PPL: variants seen among roughly 807,000 people sequenced by gnomAD.
PPL encodes 190 kDa paraneoplastic pemphigus antigen.
A neutral mutation model predicts 194.4 loss-of-function variants in PPL; 198 were observed. The observed-to-expected ratio is 1.02, with a 90% CI of 0.91 to 1.15. PPL has a LOEUF of 1.15. PPL is among the 50% of genes most tolerant of loss of function. PPL has a pLI of 0.00. For missense variants in PPL, 2,885 were observed against 2,294.8 expected (o/e 1.26, Z -5.25); for synonymous variants, 1,220 against 972.4 (o/e 1.25, Z -4.74).
chr16:4,894,093 G>A (rs549924602), intron 12 of PPL, among the ~76,000 whole-genome samples: 9 of 152,272 alleles, frequency 5.9e-5, no homozygotes, highest in South Asian at 2.1e-4. Flanking sequence ...AATAAAAAGC[G>A]GTGCGTGCAG....
At chr16:4,894,357 G>A in intron 12 of PPL, 110 bp downstream of exon 12, 1 of 1,383,610 alleles carries the variant, frequency 7.2e-7, no homozygotes, top group Non-Finnish European at 9.8e-7. Flanking sequence ...GAGTGTCAGC[G>A]ACCCCGCGCT....
rs543507742 is a variant in PPL, at chr16:4,932,957, C to T, written c.62+4027G>A. Among the ~76,000 whole-genome samples the T allele has an allele frequency of 7.9e-5, 12 of 151,836 alleles. 1 individual carries two copies. In the South Asian group the frequency reaches 8.3e-4, roughly 11 times the overall value. On this transcript the variant is annotated intron_variant, in intron 1 of 21. Transcript: ENST00000345988. Reference sequence around the variant, plus strand: ...AAACAGCTTAAGAGACCCAGAGCTGCGGCCTGAACTCATGCCCAGCTAGCA... The same window carrying T: ...AAACAGCTTAAGAGACCCAGAGCTGTGGCCTGAACTCATGCCCAGCTAGCA...
At chr16:4,927,002 A>G (rs1397377420) in intron 1 of PPL, among the ~76,000 whole-genome samples, 3 of 152,306 alleles carry the variant, frequency 2.0e-5, no homozygotes, top group African/African-American at 7.2e-5. Flanking sequence ...AATATACTCA[A>G]TCCAGTAAAA....
At chr16:4,904,700 G>A (rs1388919126) in intron 2 of PPL, among the ~76,000 whole-genome samples, 2 of 152,130 alleles carry the variant, frequency 1.3e-5, no homozygotes, top group African/African-American at 2.4e-5. Flanking sequence ...CGGGGAGGGT[G>A]AGCAGCTAGA....
intron 1 of PPL, among the ~76,000 whole-genome samples, chr16:4,926,796 G>A (rs62038589): frequency 0.13 from 18,118 of 143,808 alleles, 1,239 homozygotes; most frequent in African/African-American, 0.18. Context: ...GGAGAATGGC[G>A]TGAACCTGGG....
At position 4,883,803 on chromosome 16, in the gene PPL, C is replaced by T. The variant is rs771688652; in HGVS notation, c.4852G>A (p.Glu1618Lys). The T allele has an allele frequency of 1.2e-6, 2 of 1,614,022 alleles. No individual in the cohort carries two copies. The highest frequency in any genetic ancestry group is 1.1e-5 in the South Asian group (1 of 91,086). The change falls in exon 22 of 22, where the codon GAA (glutamate) becomes AAA (lysine). Residue 1618 changes from glutamate (E) to lysine (K), a missense_variant. Transcript: ENST00000345988. This position sits in a 1 kb window ranked among gnomAD's most constrained non-coding sequence, Gnocchi z 4.8. ...HDSRLWSLER[E>K]LDDLKRLSKD... Reference sequence around the variant, plus strand: ...GAGAGCCTCTTGAGGTCATCCAGTTCCCTCTCCAGGGACCACAGTCTGGAG... The same window carrying T: ...GAGAGCCTCTTGAGGTCATCCAGTTTCCTCTCCAGGGACCACAGTCTGGAG...
chr16:4,923,922 C>T (rs745500655), intron 1 of PPL, among the ~76,000 whole-genome samples: 17 of 152,314 alleles, frequency 1.1e-4, no homozygotes, highest in African/African-American at 2.6e-4. Flanking sequence ...ATGTCCGTAG[C>T]GCCCATCAGA....
rs547458432 is a variant in PPL at position 4,893,686 on chromosome 16, T to C, written c.1395-48A>G. 4.6e-5 allele frequency: 69 copies of C among 1,487,766 alleles called. No individual in the cohort carries two copies. The South Asian group carries it at 7.3e-4, about 16-fold the overall frequency. The allele number at this position is 1,487,766 out of a possible 1,614,324, so 92.2% of individuals were successfully genotyped here. ...GGAACCTGGGCAGCCCACCACCCCC[T>C]GCACCCACAGAGGCGGGACTGCGGA... On this transcript the variant is annotated intron_variant, in intron 12 of 21. Transcript: ENST00000345988.
At chr16:4,919,677 C>T (rs372894150) in intron 1 of PPL, among the ~76,000 whole-genome samples, 1 of 152,132 alleles carries the variant, frequency 6.6e-6, no homozygotes, top group East Asian at 1.9e-4. Context: ...CACCTGTAAT[C>T]CCACCACTTT....
At chr16:4,908,524 C>A (rs1055284165) in intron 2 of PPL, among the ~76,000 whole-genome samples, 7 of 150,532 alleles carry the variant, frequency 4.7e-5, no homozygotes, top group Non-Finnish European at 8.9e-5. Context: ...TGGAATTCTA[C>A]ATGACTGACT....
intron 2 of PPL, 69 bp from the exon 3 acceptor site, chr16:4,904,109 T>A (rs886845728): frequency 2.0e-6 from 3 of 1,517,496 alleles, no homozygotes; most frequent in East Asian, 4.7e-5. Context: ...ATGGGAGGGG[T>A]GGGAGGAAAG....
Position 4,885,412 on chromosome 16 carries a change from G to A in PPL, c.3243C>T (p.Asp1081=). The change falls in exon 22 of 22, where the codon GAC becomes GAT. Residue 1081 remains aspartate, a synonymous_variant. Coordinates refer to ENST00000345988, the MANE Select transcript of PPL (RefSeq NM_002705.5). This position sits in a 1 kb window ranked among gnomAD's most constrained non-coding sequence, Gnocchi z 6.3. Reference sequence around the variant, plus strand: ...CCTCCTCCTGCTTCTCCCTGAGCTGGTCCTGGCGCTGGTGGTCCTCCTGCA... The same window carrying A: ...CCTCCTCCTGCTTCTCCCTGAGCTGATCCTGGCGCTGGTGGTCCTCCTGCA... The part of the protein sequence containing the change: ...QQLQEDHQRQ[D]QLREKQEEEL... 1.2e-6 allele frequency: 2 copies of A among 1,612,708 alleles called. No homozygotes were observed. The highest frequency in any genetic ancestry group is 2.2e-5 in the East Asian group (1 of 44,826).
intron 18 of PPL, among the ~76,000 whole-genome samples, 180 bp from the exon 19 acceptor site, chr16:4,889,241 G>GTTGTTTTTTTT (rs2088274147): frequency 1.5e-5 from 1 of 66,634 alleles, no homozygotes; most frequent in Non-Finnish European, 2.5e-5. Flanking sequence ...TGTTGTTGTT[G>GTTGTTTTTTTT]TTTTTTTTTT....
intron 1 of PPL, among the ~76,000 whole-genome samples, chr16:4,911,281 C>T (rs1015213132): frequency 6.6e-6 from 1 of 151,366 alleles, no homozygotes; most frequent in Non-Finnish European, 1.5e-5. Flanking sequence ...CATGCCTCAG[C>T]CTCCCCAGTA....
chr16:4,894,855 C>T (rs187800470), intron 11 of PPL, among the ~76,000 whole-genome samples: 53 of 152,348 alleles, frequency 3.5e-4, no homozygotes, highest in African/African-American at 1.2e-3. Context: ...TCCCTGTGGT[C>T]TCTCCTTCTC....
intron 1 of PPL, among the ~76,000 whole-genome samples, chr16:4,929,936 C>A (rs1396627106): frequency 1.3e-5 from 2 of 152,092 alleles, no homozygotes; most frequent in East Asian, 3.9e-4. Context: ...CATCCTCCCG[C>A]CTTGGCCTCC....
At position 4,900,450 on chromosome 16, in the gene PPL, TTTTTTTA is replaced by T. The variant is rs1428000659; in HGVS notation, c.606+373_606+379del. 8.8e-5 allele frequency among the ~76,000 whole-genome samples: 11 copies of T among 125,708 alleles called. 1 individual carries two copies. Among genetic ancestry groups the T allele is most frequent in the East Asian group, 4.9e-4 (2 of 4,066 alleles). The allele number at this position is 125,708 out of a possible 152,430, so 82.5% of individuals were successfully genotyped here. A position where few individuals can be genotyped will look rare whatever the true frequency, so the allele number is the denominator to read the frequency against. ...ACTGCACGCCTTTTTTTTTTTTTTT[TTTTTTTA>T]AAGGCAGGGTTTTGCTCTGTTTCCC... is the stretch of plus-strand genomic sequence containing the variant. On this transcript the variant is annotated intron_variant, in intron 6 of 21. Coordinates refer to ENST00000345988, the MANE Select transcript of PPL (RefSeq NM_002705.5).
chr16:4,899,458 G>C, intron 6 of PPL, 74 bp from the exon 7 acceptor site: 1 of 1,525,052 alleles, frequency 6.6e-7, no homozygotes, highest in Non-Finnish European at 8.8e-7. Context: ...CCTACCTCCT[G>C]CAGGGCCCAG....
In PPL at chr16:4,884,895, C is replaced by T; in HGVS notation, c.3760G>A (p.Glu1254Lys). ...ATCAGTCTGGTCTTGTCCACGATCT[C>T]CTCCCTGAGCCGCTGAAGCTCCTTC... The part of the protein sequence containing the change: ...MEKELQRLRE[E>K]IVDKTRLIER... Residue 1254 changes from glutamate (E) to lysine (K), a missense_variant, in exon 22 of 22, where the codon GAG (glutamate) becomes AAG (lysine). Transcript: ENST00000345988. The surrounding 1 kb of genome is among the most constrained non-coding windows in gnomAD (Gnocchi z 5.7). The T allele has an allele frequency of 6.2e-7, 1 of 1,614,152 alleles. No homozygotes were observed. Among genetic ancestry groups the T allele is most frequent in the Non-Finnish European group, 8.5e-7 (1 of 1,180,034 alleles).
Sources: gnomAD v4.1 joint callset for allele counts (sites outside exome capture counted in the v4.1 genomes callset) on GRCh38, gnomAD v4.1.1 for gene constraint, Gnocchi (gnomAD v3.1) non-coding constraint, MANE v1.5 for transcripts, NCBI Gene and HGNC (gene_info 2026-07-23, HGNC 2026-07-21) for gene names.